The following HHAT variants were observed in gnomAD, a reference collection of about 807,000 sequenced individuals.
HHAT encodes the protein protein-cysteine N-palmitoyltransferase HHAT.
HHAT carries 47 observed loss-of-function variants against 70.8 expected under a neutral mutation model. The ratio of observed to expected loss-of-function variants is 0.66; its 90% CI spans 0.53 to 0.85. The LOEUF is 0.85. Among genes scored for constraint, HHAT ranks in the 40% least tolerant of loss-of-function variants. The pLI is 0.00. For synonymous variants in HHAT, 228 were observed against 247.6 expected, an observed-to-expected ratio of 0.92 and a Z score of 0.74; for missense variants, 609 against 604.8, an observed-to-expected ratio of 1.01 and a Z score of -0.07.
In HHAT at chr1:210,674,577, T is replaced by A; in HGVS notation, c.*198T>A. 1.8e-6 allele frequency: 1 copy of A among 559,544 alleles called. No individual in the cohort carries two copies. Among genetic ancestry groups the A allele is most frequent in the Non-Finnish European group, 3.2e-6 (1 of 314,658 alleles). The allele number at this position is 559,544 out of a possible 1,614,324, so 34.7% of individuals were successfully genotyped here. ...CTTCTAATCTGGAGTCTTTGAGATC[T>A]TCTACCCCAACTCATCATTTTCCTA... On this transcript the variant is annotated 3_prime_UTR_variant, in exon 12 of 12. Transcript: ENST00000261458.
chr1:210,482,259 G>A (rs2094408754), intron 8 of HHAT, among the ~76,000 whole-genome samples: 1 of 152,100 alleles, frequency 6.6e-6, no homozygotes, highest in African/African-American at 2.4e-5. Flanking sequence ...ATCACACATA[G>A]AGCACAGTTT....
chr1:210,549,123 A>ATGCTTTCCCCCT (rs1558140912), intron 9 of HHAT, among the ~76,000 whole-genome samples: 1 of 150,358 alleles, frequency 6.7e-6, no homozygotes, highest in African/African-American at 2.4e-5. Flanking sequence ...TAAAATTGGG[A>ATGCTTTCCCCCT]TAATAACGGC....
At chr1:210,490,037 A>G (rs1460306768) in intron 8 of HHAT, among the ~76,000 whole-genome samples, 1 of 152,182 alleles carries the variant, frequency 6.6e-6, no homozygotes, top group Non-Finnish European at 1.5e-5. Flanking sequence ...TAGTGAGCCC[A>G]TTTGAGTTAA....
At chr1:210,526,671 G>A (rs1374312623) in intron 9 of HHAT, among the ~76,000 whole-genome samples, 1 of 152,000 alleles carries the variant, frequency 6.6e-6, no homozygotes, top group African/African-American at 2.4e-5. Flanking sequence ...TGTGAGATGA[G>A]AGAATTATAC....
intron 9 of HHAT, among the ~76,000 whole-genome samples, chr1:210,572,008 A>G (rs1656398603): frequency 6.6e-6 from 1 of 152,208 alleles, no homozygotes; most frequent in South Asian, 2.1e-4. Flanking sequence ...CATTAAGAGA[A>G]AAATGCTTAC....
chr1:210,630,681 G>A (rs936896890), intron 11 of HHAT, among the ~76,000 whole-genome samples: 3 of 152,158 alleles, frequency 2.0e-5, no homozygotes, highest in African/African-American at 4.8e-5. Flanking sequence ...GGCACACCCC[G>A]TATCTAAGAT....
intron 9 of HHAT, among the ~76,000 whole-genome samples, chr1:210,521,912 A>G (rs2095164433): frequency 6.6e-6 from 1 of 152,222 alleles, no homozygotes; most frequent in Non-Finnish European, 1.5e-5. Flanking sequence ...ATCTGTATTC[A>G]GTCTTGCAGT....
intron 11 of HHAT, among the ~76,000 whole-genome samples, chr1:210,674,029 T>C (rs35007206): frequency 0.049 from 7,410 of 151,910 alleles, 276 homozygotes; most frequent in Middle Eastern, 0.078. Flanking sequence ...TACATATGTA[T>C]ACATGTGCCA....
At chr1:210,343,331 C>T (rs946479211) in intron 1 of HHAT, among the ~76,000 whole-genome samples, 1 of 152,134 alleles carries the variant, frequency 6.6e-6, no homozygotes, top group African/African-American at 2.4e-5. Flanking sequence ...TTCCCCTGGC[C>T]CCTTCCTTTA....
intron 9 of HHAT, among the ~76,000 whole-genome samples, chr1:210,551,321 T>G (rs543845588): frequency 6.7e-6 from 1 of 149,178 alleles, no homozygotes; most frequent in East Asian, 2.2e-4. Flanking sequence ...CATGGGGAAC[T>G]GGAAGGTGGG....
At chr1:210,443,435 C>T (rs539293183) in intron 7 of HHAT, among the ~76,000 whole-genome samples, 1 of 148,538 alleles carries the variant, frequency 6.7e-6, no homozygotes, top group East Asian at 2.0e-4. Flanking sequence ...TTACCTTGGG[C>T]AGTATGGCCA....
chr1:210,362,505 G>C (rs574485139), intron 2 of HHAT, among the ~76,000 whole-genome samples: 1 of 152,196 alleles, frequency 6.6e-6, no homozygotes, highest in African/African-American at 2.4e-5. Context: ...GATTACAGGC[G>C]TGAGCCACCA....
chr1:210,527,108 C>T (rs548868161), intron 9 of HHAT, among the ~76,000 whole-genome samples: 3 of 152,202 alleles, frequency 2.0e-5, no homozygotes, highest in Admixed American at 1.3e-4. Flanking sequence ...GGGTAACCAA[C>T]CATTTGATAA....
intron 8 of HHAT, among the ~76,000 whole-genome samples, chr1:210,485,102 G>A (rs2094454638): frequency 1.3e-5 from 2 of 152,260 alleles, no homozygotes; most frequent in South Asian, 2.1e-4. Flanking sequence ...GCTACCAGAA[G>A]AACAAGAGAG....
intron 7 of HHAT, among the ~76,000 whole-genome samples, chr1:210,432,619 A>T (rs2093277637): frequency 6.6e-6 from 1 of 151,912 alleles, no homozygotes; most frequent in Admixed American, 6.5e-5. Context: ...ACTGCCACGT[A>T]GTCTTAGATG....
chr1:210,408,053 A>C (rs2148228299), intron 6 of HHAT, among the ~76,000 whole-genome samples: 1 of 152,234 alleles, frequency 6.6e-6, no homozygotes, highest in Admixed American at 6.5e-5. Flanking sequence ...TACTTACCTT[A>C]CTTATGCCTC....
At position 210,386,233 on chromosome 1, in the gene HHAT, T is replaced by TC. The variant is rs1479564678; in HGVS notation, c.160-1235_160-1234insC. ...GCAGGAGTCCTTTTCTTTTTTTCTT[T>TC]TTTTTTTTTTTTTTTTTTTTTTTGA... On this transcript the variant is annotated intron_variant, in intron 3 of 11. Coordinates refer to ENST00000261458, the MANE Select transcript of HHAT (RefSeq NM_018194.6). Among the ~76,000 whole-genome samples, 251 of 45,030 alleles carry TC rather than the reference T, an allele frequency of 5.6e-3. 3 individuals are homozygous for TC. Among genetic ancestry groups the TC allele is most frequent in the African/African-American group, 7.3e-3 (55 of 7,546 alleles). 29.5% of individuals were successfully genotyped at this position (45,030 alleles called of 152,430 possible).
At chr1:210,576,808 G>A (rs888708285) in intron 9 of HHAT, among the ~76,000 whole-genome samples, 1 of 152,110 alleles carries the variant, frequency 6.6e-6, no homozygotes, top group Non-Finnish European at 1.5e-5. Flanking sequence ...CTATCCATGG[G>A]CACAGCATAT....
chr1:210,414,851 C>G (rs1361055901), intron 6 of HHAT, among the ~76,000 whole-genome samples: 2 of 152,070 alleles, frequency 1.3e-5, no homozygotes, highest in African/African-American at 4.8e-5. Context: ...AACCCCGTCT[C>G]TACTACAAAT....
Sources: gnomAD v4.1 joint callset for allele counts (sites outside exome capture counted in the v4.1 genomes callset) on GRCh38, gnomAD v4.1.1 for gene constraint, MANE v1.5 for transcripts, NCBI Gene and HGNC (gene_info 2026-07-23, HGNC 2026-07-21) for gene names.